Variants in PBX1 observed in about 807,000 individuals in gnomAD.
The protein encoded by PBX1 is PBX homeobox 1.
PBX1 carries 6 observed loss-of-function variants against 53.4 expected under a neutral mutation model. The ratio of observed to expected loss-of-function variants is 0.11; its 90% CI spans 0.06 to 0.22. PBX1 has a LOEUF of 0.22. Ranked by LOEUF, PBX1 falls within the 10% of genes least tolerant of loss-of-function variation. PBX1 has a pLI of 1.00. For missense variants in PBX1, 251 were observed against 551.4 expected (o/e 0.46, Z 5.46); for synonymous variants, 204 against 212.3 (o/e 0.96, Z 0.34).
At chr1:164,776,972 A>ATGG (rs1295466628) in intron 2 of PBX1, among the ~76,000 whole-genome samples, 2 of 84,560 alleles carry the variant, frequency 2.4e-5, no homozygotes, top group African/African-American at 1.2e-4. Flanking sequence ...AGAGAGAGAG[A>ATGG]GAGAGAGGAG....
chr1:164,703,809 C>T (rs10918060), intron 2 of PBX1, among the ~76,000 whole-genome samples: 1 of 152,282 alleles, frequency 6.6e-6, no homozygotes, highest in South Asian at 2.1e-4. Flanking sequence ...CTACCTTTTC[C>T]TAAGTCCCTT....
At position 164,846,939 on chromosome 1, in the gene PBX1, GC is replaced by G; in HGVS notation, c.*267del. ...CAGCCTGGTTTTCGTCATCTTCCCT[GC>G]CCCTGTGCCTCTGTCCTAGACTCCC... is the stretch of plus-strand genomic sequence containing the variant. On this transcript the variant is annotated 3_prime_UTR_variant, in exon 9 of 9. Coordinates refer to ENST00000420696, the MANE Select transcript of PBX1 (RefSeq NM_002585.4). 7.4e-7 allele frequency: 1 copy of G among 1,347,554 alleles called. No individual in the cohort carries two copies. The highest frequency in any genetic ancestry group is 9.6e-7 in the Non-Finnish European group (1 of 1,046,808). The allele number at this position is 1,347,554 out of a possible 1,614,324, so 83.5% of individuals were successfully genotyped here.
At chr1:164,876,143 G>T (rs996832522) in intron 2 of PBX1, among the ~76,000 whole-genome samples, 1 of 151,566 alleles carries the variant, frequency 6.6e-6, no homozygotes, top group East Asian at 1.9e-4. Context: ...GTTAGATGAG[G>T]TAATAAATAA....
intron 2 of PBX1, among the ~76,000 whole-genome samples, chr1:164,666,535 G>A (rs750074240): frequency 6.6e-6 from 1 of 152,130 alleles, no homozygotes; most frequent in Non-Finnish European, 1.5e-5. Context: ...GATTCTGGCT[G>A]ATGGAGCAAA....
At chr1:164,570,309 T>G (rs954841377) in intron 2 of PBX1, among the ~76,000 whole-genome samples, 1 of 152,142 alleles carries the variant, frequency 6.6e-6, no homozygotes, top group Non-Finnish European at 1.5e-5. Flanking sequence ...GCTCTACCCA[T>G]CAACCCGTCA....
chr1:164,767,525 C>G (rs1667123518), intron 2 of PBX1, among the ~76,000 whole-genome samples: 2 of 152,078 alleles, frequency 1.3e-5, no homozygotes, highest in Non-Finnish European at 1.5e-5. Context: ...CACTCTACTC[C>G]TAAGTACCAG....
chr1:164,615,298 T>A (rs1444888913), intron 2 of PBX1, among the ~76,000 whole-genome samples: 1 of 152,214 alleles, frequency 6.6e-6, no homozygotes, highest in African/African-American at 2.4e-5. Context: ...TATTTCCATT[T>A]CTACTTGTTG....
chr1:164,698,966 C>A (rs909877883), intron 2 of PBX1, among the ~76,000 whole-genome samples: 1 of 152,218 alleles, frequency 6.6e-6, no homozygotes, highest in Non-Finnish European at 1.5e-5. Flanking sequence ...TCTGGAACCA[C>A]AGCCCATGCT....
At chr1:164,605,741 G>A (rs998122717) in intron 2 of PBX1, among the ~76,000 whole-genome samples, 5 of 152,112 alleles carry the variant, frequency 3.3e-5, no homozygotes, top group African/African-American at 1.2e-4. Flanking sequence ...GGTTGCTTGC[G>A]GGGATTATTT....
Position 164,849,385 on chromosome 1 carries a change from C to A in PBX1, c.*2709C>A. ...GCAAGCCCACTATCACTTCCGACTT[C>A]CAACGTGGCATCCGTGAGATCTGTC... On this transcript the variant is annotated 3_prime_UTR_variant, in exon 9 of 9. Transcript: ENST00000420696. 1 of 1,535,702 alleles carries A rather than the reference C, an allele frequency of 6.5e-7. No homozygotes were observed. The highest frequency in any genetic ancestry group is 8.7e-7 in the Non-Finnish European group (1 of 1,146,790).
At chr1:164,872,199 A>G (rs1672399393) in intron 2 of PBX1, among the ~76,000 whole-genome samples, 2 of 152,330 alleles carry the variant, frequency 1.3e-5, no homozygotes, top group East Asian at 1.9e-4. Context: ...GCACTCTACA[A>G]AATTCTTCAC....
At chr1:164,866,857 C>G (rs866043198) in intron 2 of PBX1, among the ~76,000 whole-genome samples, 23 of 152,060 alleles carry the variant, frequency 1.5e-4, no homozygotes, top group African/African-American at 4.6e-4. Flanking sequence ...TTGAAAGTCC[C>G]CTGGCCCATT....
At chr1:164,614,775 C>CT (rs1404865275) in intron 2 of PBX1, among the ~76,000 whole-genome samples, 2 of 152,042 alleles carry the variant, frequency 1.3e-5, no homozygotes, top group African/African-American at 2.4e-5. Context: ...CAGTTGAATT[C>CT]TTTTTTTCTT....
At chr1:164,588,896 T>A (rs929003204) in intron 2 of PBX1, among the ~76,000 whole-genome samples, 1 of 152,090 alleles carries the variant, frequency 6.6e-6, no homozygotes, top group Non-Finnish European at 1.5e-5. Context: ...CTCCTAACCC[T>A]CTTTTTTCCT....
At chr1:164,786,720 T>TGTGTGTGTGCGCGCGC (rs1357886882) in intron 2 of PBX1, among the ~76,000 whole-genome samples, 1 of 116,256 alleles carries the variant, frequency 8.6e-6, no homozygotes, top group African/African-American at 3.5e-5. Flanking sequence ...TGTGTGTGTG[T>TGTGTGTGTGCGCGCGC]GCGCGCGCAC....
At chr1:164,792,146 C>A (rs535490039) in intron 2 of PBX1, among the ~76,000 whole-genome samples, 1 of 152,198 alleles carries the variant, frequency 6.6e-6, no homozygotes, top group Admixed American at 6.5e-5. Flanking sequence ...TATTTTGCAG[C>A]CATCTCAAAA....
chr1:164,845,909 T>G (rs1286398415), intron 8 of PBX1, among the ~76,000 whole-genome samples: 1 of 152,204 alleles, frequency 6.6e-6, no homozygotes, highest in African/African-American at 2.4e-5. Context: ...CTATGAAGTA[T>G]TTCCTGATGT....
At chr1:164,605,938 T>G (rs1656517829) in intron 2 of PBX1, among the ~76,000 whole-genome samples, 1 of 152,232 alleles carries the variant, frequency 6.6e-6, no homozygotes, top group Non-Finnish European at 1.5e-5. Flanking sequence ...TAAAATTCTT[T>G]GAATTCAGAC....
chr1:164,663,280 GCCTT>G (rs752175605), intron 2 of PBX1, among the ~76,000 whole-genome samples: 6 of 140,536 alleles, frequency 4.3e-5, no homozygotes, highest in Admixed American at 1.5e-4. Flanking sequence ...CTGCCTGCCT[GCCTT>G]CCTACCTGCC....
Sources: allele counts gnomAD v4.1 joint callset (sites outside exome capture counted in the v4.1 genomes callset), GRCh38; gene constraint gnomAD v4.1.1; transcripts MANE v1.5; gene names NCBI Gene and HGNC (gene_info 2026-07-23, HGNC 2026-07-21).